KLHL32: variants seen among roughly 807,000 people sequenced by gnomAD.
KLHL32 encodes the protein kelch like family member 32.
A neutral mutation model predicts 64.8 loss-of-function variants in KLHL32; 35 were observed. The observed-to-expected ratio is 0.54, with a 90% CI of 0.41 to 0.72. The LOEUF (loss-of-function observed/expected upper bound fraction) is 0.72, where lower values mean the gene tolerates loss of function less well. Ranked by LOEUF, KLHL32 falls within the 30% of genes least tolerant of loss-of-function variation. The pLI is 0.00. For synonymous variants in KLHL32, 259 were observed against 281.0 expected (o/e 0.92, Z 0.78); for missense variants, 589 against 768.5 (o/e 0.77, Z 2.76).
At chr6:97,018,274 G>A (rs1328538543) in intron 3 of KLHL32, among the ~76,000 whole-genome samples, 1 of 152,132 alleles carries the variant, frequency 6.6e-6, no homozygotes, top group African/African-American at 2.4e-5. Context: ...CACAAAATAT[G>A]TGAACTGATC....
chr6:97,059,318 C>T (rs1788500007), intron 4 of KLHL32, among the ~76,000 whole-genome samples: 1 of 152,094 alleles, frequency 6.6e-6, no homozygotes, highest in African/African-American at 2.4e-5. Flanking sequence ...AGCAAAGGGA[C>T]CAGAAGGTCA....
chr6:97,033,735 C>A (rs1783911698), intron 3 of KLHL32, among the ~76,000 whole-genome samples: 1 of 151,954 alleles, frequency 6.6e-6, no homozygotes, highest in African/African-American at 2.4e-5. Flanking sequence ...TGTGAGGAGA[C>A]CCCTCATTGT....
chr6:97,037,159 A>G lies in KLHL32; in HGVS notation c.205-4333A>G, dbSNP rs547620497. On this transcript the variant is annotated intron_variant, in intron 3 of 10. Coordinates refer to ENST00000369261, the MANE Select transcript of KLHL32 (RefSeq NM_052904.4). ...ATATTATTTTATTTTTTCAAATTGT[A>G]TTTAAAATATATTTTAGAAAATTTC... is the stretch of plus-strand genomic sequence containing the variant. Among the ~76,000 whole-genome samples, 10 of 152,036 alleles carry G rather than the reference A, an allele frequency of 6.6e-5. No homozygotes were observed. In the South Asian group the frequency reaches 2.1e-3, roughly 31 times the overall value.
intron 7 of KLHL32, among the ~76,000 whole-genome samples, chr6:97,124,368 T>C (rs778840035): frequency 6.6e-6 from 1 of 152,198 alleles, no homozygotes; most frequent in Non-Finnish European, 1.5e-5. Flanking sequence ...TGAAAATTTG[T>C]ATGTAAGGGT....
chr6:96,965,735 G>A (rs1366275492), intron 1 of KLHL32, among the ~76,000 whole-genome samples: 2 of 152,168 alleles, frequency 1.3e-5, no homozygotes, highest in African/African-American at 4.8e-5. Context: ...CTTAAACAAC[G>A]TGCCTTGAAT....
chr6:97,089,500 T>TA (rs1793902907), intron 6 of KLHL32, among the ~76,000 whole-genome samples: 1 of 152,158 alleles, frequency 6.6e-6, no homozygotes, highest in Non-Finnish European at 1.5e-5. Context: ...CTTTTCTGGG[T>TA]AGGCGCGGTG....
chr6:97,111,535 TG>T (rs1797142954), intron 6 of KLHL32, among the ~76,000 whole-genome samples: 1 of 152,200 alleles, frequency 6.6e-6, no homozygotes, highest in Non-Finnish European at 1.5e-5. Context: ...CAAGTGCTTT[TG>T]GGCACTGGCA....
chr6:97,074,614 A>AC (rs1444925495), intron 5 of KLHL32, among the ~76,000 whole-genome samples: 2 of 151,384 alleles, frequency 1.3e-5, no homozygotes, highest in Non-Finnish European at 2.9e-5. Flanking sequence ...AAAAAAAAAA[A>AC]ACAAAAAAAC....
chr6:97,017,133 G>A (rs1346710521), intron 3 of KLHL32, among the ~76,000 whole-genome samples: 1 of 152,058 alleles, frequency 6.6e-6, no homozygotes, highest in African/African-American at 2.4e-5. Context: ...ACTGGAATTT[G>A]GTGAGTAAAT....
the KLHL32 span, among the ~76,000 whole-genome samples, chr6:96,914,132 C>T: frequency 2.0e-5 from 3 of 152,134 alleles, no homozygotes; most frequent in Admixed American, 6.5e-5. Context: ...TGGATGACCT[C>T]TAGAAGCTGG....
At chr6:97,131,045 T>C (rs1370134885) in intron 9 of KLHL32, 96 bp downstream of exon 9, 1 of 1,024,080 alleles carries the variant, frequency 9.8e-7, no homozygotes, top group Non-Finnish European at 1.4e-6. Flanking sequence ...AAATATTAAG[T>C]GCATAGTTGT....
At chr6:97,023,194 A>G (rs1370065691) in intron 3 of KLHL32, among the ~76,000 whole-genome samples, 1 of 151,760 alleles carries the variant, frequency 6.6e-6, no homozygotes, top group Non-Finnish European at 1.5e-5. Flanking sequence ...ATTACTAAAT[A>G]CATATAATTT....
chr6:97,052,620 C>T (rs894459076), intron 4 of KLHL32, among the ~76,000 whole-genome samples: 12 of 152,206 alleles, frequency 7.9e-5, no homozygotes, highest in Non-Finnish European at 1.6e-4. Flanking sequence ...TGCCTGGCAT[C>T]TAGCCTCCCA....
intron 6 of KLHL32, among the ~76,000 whole-genome samples, chr6:97,103,632 TATA>T (rs1164455661): frequency 2.0e-5 from 3 of 152,258 alleles, no homozygotes; most frequent in African/African-American, 7.2e-5. Flanking sequence ...AGTTTCATGA[TATA>T]ATCTGATCAA....
chr6:97,135,268 C>G (rs546745277), intron 10 of KLHL32, among the ~76,000 whole-genome samples: 1 of 150,638 alleles, frequency 6.6e-6, no homozygotes, highest in South Asian at 2.1e-4. Context: ...GGCTGGCACA[C>G]TGGTCCTACA....
chr6:97,070,688 T>A (rs1790572381), intron 5 of KLHL32, among the ~76,000 whole-genome samples: 1 of 152,214 alleles, frequency 6.6e-6, no homozygotes, highest in Non-Finnish European at 1.5e-5. Context: ...TATTAGTCAT[T>A]TCAAACCTAA....
intron 3 of KLHL32, chr6:97,025,170 T>A (rs1470853844): frequency 1.1e-6 from 1 of 928,418 alleles, no homozygotes; most frequent in Non-Finnish European, 1.3e-6. Flanking sequence ...ATTATTGGAA[T>A]CTGTAGAAAT....
intron 7 of KLHL32, among the ~76,000 whole-genome samples, chr6:97,126,019 A>G (rs535439920): frequency 5.6e-4 from 85 of 152,344 alleles, no homozygotes; most frequent in African/African-American, 2.0e-3. Context: ...GCCTAGAGTC[A>G]GGAAGCAACC....
At chr6:97,055,869 G>A (rs1292559181) in intron 4 of KLHL32, among the ~76,000 whole-genome samples, 1 of 142,778 alleles carries the variant, frequency 7.0e-6, no homozygotes, top group Non-Finnish European at 1.5e-5. Context: ...TTATTTCTCT[G>A]ACTCTTCTCA....
Sources: allele counts gnomAD v4.1 joint callset (sites outside exome capture counted in the v4.1 genomes callset), GRCh38; gene constraint gnomAD v4.1.1; transcripts MANE v1.5; gene names NCBI Gene and HGNC (gene_info 2026-07-23, HGNC 2026-07-21).